RLIG1: variants seen among roughly 807,000 people sequenced by gnomAD.
The protein encoded by RLIG1 is RNA ligase 1.
the RLIG1 span, chr12:88,049,547 A>AATT: frequency 1.6e-6 from 1 of 611,854 alleles, no homozygotes; most frequent in South Asian, 2.1e-5. Flanking sequence ...AAGGCAGAAG[A>AATT]ATTAAGATTT....
the RLIG1 span, among the ~76,000 whole-genome samples, chr12:88,037,269 A>G: frequency 2.0e-5 from 3 of 152,214 alleles, no homozygotes; most frequent in South Asian, 6.2e-4. Flanking sequence ...CATTTCAGTG[A>G]TTTCCCCTAC....
At chr12:88,041,801 T>C in the RLIG1 span, 2 of 152,206 alleles carry the variant, frequency 1.3e-5, no homozygotes, top group Non-Finnish European at 2.9e-5. Flanking sequence ...CAGCAGTTTC[T>C]TTATAAACCT....
At chr12:88,047,501 A>G in the RLIG1 span, among the ~76,000 whole-genome samples, 1 of 152,128 alleles carries the variant, frequency 6.6e-6, no homozygotes, top group African/African-American at 2.4e-5. Context: ...TTGGATATTA[A>G]TTTTAACCCC....
chr12:88,048,619 A>AAAAC, the RLIG1 span: 1 of 390,536 alleles, frequency 2.6e-6, no homozygotes, highest in South Asian at 5.1e-5. Context: ...TCTAGCCATA[A>AAAAC]AAACATAAGT....
chr12:88,042,775 A>C, the RLIG1 span: 1 of 1,198,810 alleles, frequency 8.3e-7, no homozygotes, highest in South Asian at 1.8e-5. Flanking sequence ...ATGTCTTTCA[A>C]GATAAGTTTT....
the RLIG1 span, among the ~76,000 whole-genome samples, chr12:88,041,038 A>G: frequency 2.2e-4 from 33 of 152,310 alleles, no homozygotes; most frequent in African/African-American, 7.5e-4. Flanking sequence ...TGCTACTATC[A>G]TCACCTTCCA....
the RLIG1 span, among the ~76,000 whole-genome samples, chr12:88,041,110 T>C: frequency 6.6e-6 from 1 of 152,154 alleles, no homozygotes; most frequent in African/African-American, 2.4e-5. Flanking sequence ...CTCCTTATTC[T>C]CCCACCACCA....
the RLIG1 span, chr12:88,035,935 T>G: frequency 6.6e-7 from 1 of 1,520,818 alleles, no homozygotes; most frequent in Non-Finnish European, 8.8e-7. Flanking sequence ...CTTTTCTTAG[T>G]TGTGAGGGAG....
chr12:88,037,785 A>C, the RLIG1 span, among the ~76,000 whole-genome samples: 5 of 152,318 alleles, frequency 3.3e-5, no homozygotes, highest in South Asian at 2.1e-4. Flanking sequence ...TATATTGTAC[A>C]GTGTTGTTTC....
chr12:88,047,937 C>T, the RLIG1 span, among the ~76,000 whole-genome samples: 1 of 152,092 alleles, frequency 6.6e-6, no homozygotes, highest in Non-Finnish European at 1.5e-5. Context: ...GCAACAGGCT[C>T]TATGATTCAT....
chr12:88,042,785 T>C, the RLIG1 span: 185 of 1,297,808 alleles, frequency 1.4e-4, no homozygotes, highest in Non-Finnish European at 1.8e-4. Context: ...AGATAAGTTT[T>C]GTTTGCATCA....
chr12:88,047,563 A>G, the RLIG1 span, among the ~76,000 whole-genome samples: 1 of 152,100 alleles, frequency 6.6e-6, no homozygotes, highest in Admixed American at 6.6e-5. Context: ...GTTCTAATCT[A>G]TGTACTTCTT....
At chr12:88,045,502 A>C in the RLIG1 span, 1 of 1,038,864 alleles carries the variant, frequency 9.6e-7, no homozygotes, top group Non-Finnish European at 1.4e-6. Flanking sequence ...AGAAATTTAC[A>C]ACAAAAATAT....
chr12:88,049,041 A>T, the RLIG1 span: 1 of 447,516 alleles, frequency 2.2e-6, no homozygotes, highest in Non-Finnish European at 3.9e-6. Context: ...ATATAATTTT[A>T]TTTATTAAGA....
the RLIG1 span, chr12:88,035,864 A>G: frequency 1.3e-6 from 2 of 1,518,854 alleles, no homozygotes; most frequent in Non-Finnish European, 1.8e-6. Flanking sequence ...GAACCTCTGT[A>G]GGTTTCCCTG....
chr12:88,049,141 A>C, the RLIG1 span: 1 of 1,187,244 alleles, frequency 8.4e-7, no homozygotes, highest in African/African-American at 1.6e-5. Flanking sequence ...TTAACTTATA[A>C]AGTTAATAAA....
the RLIG1 span, chr12:88,040,258 C>CTT: frequency 6.6e-7 from 1 of 1,513,430 alleles, no homozygotes; most frequent in South Asian, 1.2e-5. Context: ...ATGTTACTAC[C>CTT]TATAAAGGTA....
chr12:88,038,618 T>C, the RLIG1 span, among the ~76,000 whole-genome samples: 5 of 152,206 alleles, frequency 3.3e-5, no homozygotes, highest in Non-Finnish European at 5.9e-5. Context: ...ATGTCTAATA[T>C]AAATCACTAT....
the RLIG1 span, chr12:88,047,009 T>C: frequency 1.3e-6 from 2 of 1,557,230 alleles, no homozygotes; most frequent in South Asian, 1.2e-5. Flanking sequence ...TGGGGTTATG[T>C]CATCTTATAT....
Sources: gnomAD v4.1 joint callset for allele counts (sites outside exome capture counted in the v4.1 genomes callset) on GRCh38, gnomAD v4.1.1 for gene constraint, MANE v1.5 for transcripts, NCBI Gene and HGNC (gene_info 2026-07-23, HGNC 2026-07-21) for gene names.